C19orf47: variants seen among roughly 807,000 people sequenced by gnomAD.
C19orf47 encodes the protein uncharacterized protein C19orf47.
Under a neutral mutation model 32.3 loss-of-function variants are expected in C19orf47, and 18 were observed. That is an observed-to-expected ratio of 0.56 (90% CI 0.39 to 0.83). The LOEUF (loss-of-function observed/expected upper bound fraction) is 0.83, where lower values mean the gene tolerates loss of function less well. Ranked by LOEUF, C19orf47 falls within the 40% of genes least tolerant of loss-of-function variation. The pLI, the probability that C19orf47 is intolerant of heterozygous loss-of-function variation, is 0.00. For missense variants in C19orf47, 484 were observed against 531.6 expected (o/e 0.91, Z 0.88); for synonymous variants, 202 against 211.1 (o/e 0.96, Z 0.37).
At chr19:40,328,342 T>A (rs1029866443) in intron 6 of C19orf47, 71 bp downstream of exon 6, 4 of 1,575,746 alleles carry the variant, frequency 2.5e-6, no homozygotes, top group Non-Finnish European at 3.4e-6. Context: ...ATTGGAAGCA[T>A]GACCCCCAAC....
intron 2 of C19orf47, among the ~76,000 whole-genome samples, chr19:40,340,705 G>A (rs926674093): frequency 1.3e-5 from 2 of 151,628 alleles, no homozygotes; most frequent in African/African-American, 2.4e-5. Flanking sequence ...CAGGCCAGGC[G>A]CAGTGGCTCA....
intron 2 of C19orf47, 125 bp downstream of exon 2, chr19:40,341,714 C>A (rs2078181110): frequency 7.2e-7 from 1 of 1,390,894 alleles, no homozygotes. Context: ...CCACGGTCCT[C>A]AGAGTACAGC....
downstream of C19orf47, among the ~76,000 whole-genome samples, chr19:40,316,167 C>T (rs895214999): frequency 6.6e-6 from 1 of 152,174 alleles, no homozygotes; most frequent in Non-Finnish European, 1.5e-5. Flanking sequence ...GTGGCTGCAG[C>T]TCAACTCTTG....
intron 6 of C19orf47, among the ~76,000 whole-genome samples, chr19:40,326,895 A>G (rs2077842394): frequency 6.6e-6 from 1 of 152,194 alleles, no homozygotes; most frequent in African/African-American, 2.4e-5. Flanking sequence ...TGGATTGTGC[A>G]TAAGTTACAC....
downstream of C19orf47, among the ~76,000 whole-genome samples, chr19:40,316,036 C>T (rs531529222): frequency 6.6e-6 from 1 of 152,148 alleles, no homozygotes; most frequent in African/African-American, 2.4e-5. Context: ...AGATTTAGCC[C>T]TGATTTTGCA....
At position 40,333,839 on chromosome 19, in the gene C19orf47, G is replaced by A. The variant is rs2078004626; in HGVS notation, c.301+12C>T. On this transcript the variant is annotated intron_variant, in intron 5 of 8. Coordinates refer to ENST00000683109, the MANE Select transcript of C19orf47 (RefSeq NM_001256441.2). ...AAATCAAGGAAAAGAGGCCTGAATA[G>A]TTAGGACTCACCACTGGTGCCACGG... is the stretch of plus-strand genomic sequence containing the variant. 2 of 1,556,536 alleles carry A rather than the reference G, an allele frequency of 1.3e-6. No individual in the cohort carries two copies. Among genetic ancestry groups the A allele is most frequent in the Non-Finnish European group, 1.7e-6 (2 of 1,148,948 alleles).
intron 4 of C19orf47, among the ~76,000 whole-genome samples, chr19:40,335,131 T>A (rs887088045): frequency 6.6e-6 from 1 of 152,034 alleles, no homozygotes; most frequent in Non-Finnish European, 1.5e-5. Flanking sequence ...ATTATATTAA[T>A]CACTTAATGA....
Position 40,321,327 on chromosome 19 carries a change from G to A in C19orf47, c.*555C>T. On this transcript the variant is annotated 3_prime_UTR_variant, in exon 9 of 9. Coordinates refer to ENST00000683109, the MANE Select transcript of C19orf47 (RefSeq NM_001256441.2). Reference sequence around the variant, plus strand: ...GAGGCCGGAGGTACAGGAGGGTCGGGCAGGACGCAGCGGACAGTCGGGCCT... The same window carrying A: ...GAGGCCGGAGGTACAGGAGGGTCGGACAGGACGCAGCGGACAGTCGGGCCT... 3.0e-6 allele frequency: 3 copies of A among 987,018 alleles called. No individual in the cohort carries two copies. Among genetic ancestry groups the A allele is most frequent in the Non-Finnish European group, 3.6e-6 (3 of 830,710 alleles). The allele number at this position is 987,018 out of a possible 1,614,324, so 61.1% of individuals were successfully genotyped here.
At chr19:40,293,948 C>T in the C19orf47 span, among the ~76,000 whole-genome samples, 3 of 151,824 alleles carry the variant, frequency 2.0e-5, no homozygotes, top group South Asian at 2.1e-4. Flanking sequence ...GGTAAAACCC[C>T]GTCTCTATTA....
At chr19:40,306,170 A>G in the C19orf47 span, among the ~76,000 whole-genome samples, 1 of 151,524 alleles carries the variant, frequency 6.6e-6, no homozygotes, top group Non-Finnish European at 1.5e-5. Context: ...AAAAAAAAAA[A>G]AAAAGGAAAG....
chr19:40,328,299 G>T, intron 6 of C19orf47, 114 bp downstream of exon 6: 1 of 1,446,030 alleles, frequency 6.9e-7, no homozygotes, highest in Non-Finnish European at 9.3e-7. Context: ...CAAATGTTTT[G>T]TATACCTTGT....
chr19:40,309,607 GT>G, the C19orf47 span, among the ~76,000 whole-genome samples: 3 of 151,712 alleles, frequency 2.0e-5, no homozygotes, highest in African/African-American at 7.3e-5. Flanking sequence ...TCATAGGAAA[GT>G]TGTCCCTTGA....
chr19:40,338,595 G>A (rs2078116679), intron 2 of C19orf47, among the ~76,000 whole-genome samples: 1 of 152,048 alleles, frequency 6.6e-6, no homozygotes, highest in African/African-American at 2.4e-5. Flanking sequence ...ATGTTGGTCA[G>A]GCTGGTCTCA....
downstream of C19orf47, among the ~76,000 whole-genome samples, chr19:40,318,074 T>C (rs2077675242): frequency 6.6e-6 from 1 of 151,848 alleles, no homozygotes; most frequent in Non-Finnish European, 1.5e-5. Context: ...GGGCTATGTT[T>C]CAAATCTGCT....
At chr19:40,303,836 C>G in the C19orf47 span, among the ~76,000 whole-genome samples, 3 of 139,710 alleles carry the variant, frequency 2.1e-5, no homozygotes, top group African/African-American at 8.0e-5. Context: ...AAAAAGTTCA[C>G]TGGAACCCCT....
intron 2 of C19orf47, among the ~76,000 whole-genome samples, chr19:40,338,266 T>TATAC (rs1555788267): frequency 2.8e-4 from 40 of 143,572 alleles, no homozygotes; most frequent in Middle Eastern, 3.6e-3. Flanking sequence ...TACATATATA[T>TATAC]ACACACACAC....
chr19:40,333,389 TG>T (rs2077995755), intron 5 of C19orf47, among the ~76,000 whole-genome samples: 4 of 152,092 alleles, frequency 2.6e-5, no homozygotes, highest in Non-Finnish European at 5.9e-5. Context: ...ATCAAAAAAA[TG>T]TGTGTGTGAG....
the C19orf47 span, among the ~76,000 whole-genome samples, chr19:40,309,686 C>CAAAA: frequency 1.5e-5 from 2 of 136,730 alleles, no homozygotes; most frequent in East Asian, 4.3e-4. Flanking sequence ...GACCTTATCT[C>CAAAA]AAAAAAAAAA....
the C19orf47 span, among the ~76,000 whole-genome samples, chr19:40,311,379 C>CA: frequency 0.2 from 27,514 of 138,958 alleles, 2,915 homozygotes; most frequent in African/African-American, 0.29. Flanking sequence ...AACTCGGTCT[C>CA]AAAAAAAAAA....
Sources: gnomAD v4.1 joint callset for allele counts (sites outside exome capture counted in the v4.1 genomes callset) on GRCh38, gnomAD v4.1.1 for gene constraint, MANE v1.5 for transcripts, NCBI Gene and HGNC (gene_info 2026-07-23, HGNC 2026-07-21) for gene names.